WSCD1: variants seen among roughly 807,000 people sequenced by gnomAD.
WSCD1 encodes sialate:O-sulfotransferase 1.
Under a neutral mutation model 60.4 loss-of-function variants are expected in WSCD1, and 41 were observed. That is an observed-to-expected ratio of 0.68 (90% CI 0.53 to 0.88). WSCD1 has a LOEUF of 0.88. WSCD1 is among the 40% of genes least tolerant of loss of function. The probability of loss-of-function intolerance (pLI) is 0.00; values close to 1 mark genes in which losing one functional copy is unlikely to be tolerated. For synonymous variants in WSCD1, 361 were observed against 332.5 expected (o/e 1.09, Z -0.93); for missense variants, 784 against 796.2 (o/e 0.98, Z 0.18).
intron 2 of WSCD1, among the ~76,000 whole-genome samples, chr17:6,087,491 C>G (rs931405183): frequency 4.6e-5 from 7 of 152,256 alleles, no homozygotes; most frequent in Admixed American, 1.3e-4. Context: ...CTTGAAATAG[C>G]TTTCCCCGTT....
At position 6,120,540 on chromosome 17, in the gene WSCD1, A is replaced by G. The variant is rs1489600329; in HGVS notation, c.1607A>G (p.His536Arg). The G allele has an allele frequency of 9.3e-6, 15 of 1,613,686 alleles. No individual in the cohort carries two copies. The highest frequency in any genetic ancestry group is 1.2e-5 in the Non-Finnish European group (14 of 1,180,008). ...TTCCGGCGGCGCGGCCGGCGCTCCC[A>G]CGACCCTGAGCCCTTCACCCCGGAG... ...GSFRRRGRRS[H>R]DPEPFTPEMK... The change falls in exon 9 of 9, where the codon CAC becomes CGC. Residue 536 changes from histidine to arginine, a missense_variant. By Grantham distance (29) the His-to-Arg change is conservative. Coordinates refer to ENST00000317744, the MANE Select transcript of WSCD1 (RefSeq NM_015253.2).
intron 5 of WSCD1, among the ~76,000 whole-genome samples, chr17:6,095,839 G>C (rs933953822): frequency 6.6e-6 from 1 of 152,198 alleles, no homozygotes; most frequent in Non-Finnish European, 1.5e-5. Flanking sequence ...TGTGTCCAAA[G>C]AACATTGAGA....
chr17:6,069,931 G>A (rs990790335), upstream of WSCD1, among the ~76,000 whole-genome samples: 1 of 152,072 alleles, frequency 6.6e-6, no homozygotes, highest in Non-Finnish European at 1.5e-5. Flanking sequence ...GAGAGTGTGT[G>A]TGTGAGTGTG....
intron 5 of WSCD1, among the ~76,000 whole-genome samples, chr17:6,099,103 C>T (rs1910634389): frequency 6.6e-6 from 1 of 152,006 alleles, no homozygotes; most frequent in Non-Finnish European, 1.5e-5. Context: ...GTACAAATTG[C>T]AGAGGGCTTT....
intron 5 of WSCD1, among the ~76,000 whole-genome samples, chr17:6,103,344 T>G (rs1394139298): frequency 6.6e-6 from 1 of 152,228 alleles, no homozygotes; most frequent in Non-Finnish European, 1.5e-5. Flanking sequence ...TTTGAGAAAC[T>G]TCCTGGGATG....
chr17:6,094,589 G>GAGGAAGGA (rs930872643), intron 4 of WSCD1, among the ~76,000 whole-genome samples: 2 of 131,712 alleles, frequency 1.5e-5, no homozygotes, highest in African/African-American at 5.1e-5. Context: ...AGAAGGAAGG[G>GAGGAAGGA]AGGAAGGAAG....
chr17:6,113,505 G>A (rs1003419646), intron 7 of WSCD1, among the ~76,000 whole-genome samples: 3 of 152,150 alleles, frequency 2.0e-5, no homozygotes, highest in African/African-American at 4.8e-5. Flanking sequence ...GTGGTATTAT[G>A]TCAAAGTGAA....
At position 6,101,390 on chromosome 17, in the gene WSCD1, C is replaced by T. The variant is rs899328409; in HGVS notation, c.849+6167C>T. 2.6e-5 allele frequency among the ~76,000 whole-genome samples: 4 copies of T among 151,956 alleles called. No individual in the cohort carries two copies. On this transcript the variant is annotated intron_variant, in intron 5 of 8. Transcript: ENST00000317744. The surrounding 1 kb of genome is among the most constrained non-coding windows in gnomAD (Gnocchi z 4.1). Reference sequence around the variant, plus strand: ...AGCTAGGGGCTTAATTAGAGCTGGCCGGGCAGTGGGGCTGGGAGCAGCAGA... The same window carrying T: ...AGCTAGGGGCTTAATTAGAGCTGGCTGGGCAGTGGGGCTGGGAGCAGCAGA...
Position 6,121,964 on chromosome 17 carries a change from G to T in WSCD1, c.*1303G>T, listed in dbSNP as rs2150575614. On this transcript the variant is annotated 3_prime_UTR_variant, in exon 9 of 9. Transcript: ENST00000317744. ...CCGGTTGCACACTGGCCTCTGTGGA[G>T]GTCAGGGAGGTGGGAAGGTGGGTGG... is the stretch of plus-strand genomic sequence containing the variant. 6.6e-6 allele frequency: 1 copy of T among 152,486 alleles called. No homozygotes were observed. 9.4% of individuals were successfully genotyped at this position (152,486 alleles called of 1,614,324 possible).
At chr17:6,094,222 A>G (rs567522375) in intron 4 of WSCD1, among the ~76,000 whole-genome samples, 66 of 152,324 alleles carry the variant, frequency 4.3e-4, no homozygotes, top group African/African-American at 1.6e-3. Context: ...AGGGCACTGG[A>G]CTTTTCCACC....
At position 6,110,151 on chromosome 17, in the gene WSCD1, C is replaced by T. The variant is rs1868556494; in HGVS notation, c.1009+385C>T. Among the ~76,000 whole-genome samples, 1 of 152,038 alleles carries T rather than the reference C, an allele frequency of 6.6e-6. No individual in the cohort carries two copies. Among genetic ancestry groups the T allele is most frequent in the Non-Finnish European group, 1.5e-5 (1 of 68,000 alleles). On this transcript the variant is annotated intron_variant, in intron 6 of 8. Coordinates refer to ENST00000317744, the MANE Select transcript of WSCD1 (RefSeq NM_015253.2). The surrounding 1 kb of genome is among the most constrained non-coding windows in gnomAD (Gnocchi z 4.8). ...ACTGGTGCCTCCAGGACCTGGGAAC[C>T]CTCCTTGGTGTGAGCATCAGGTCTG... is the stretch of plus-strand genomic sequence containing the variant.
intron 7 of WSCD1, among the ~76,000 whole-genome samples, chr17:6,112,725 G>C (rs576862232): frequency 1.3e-5 from 2 of 152,022 alleles, no homozygotes; most frequent in East Asian, 3.9e-4. Context: ...AAATACCTAG[G>C]AATAAATTTA....
At chr17:6,094,784 AAGGAAGGG>A (rs1381750118) in intron 4 of WSCD1, among the ~76,000 whole-genome samples, 5 of 144,682 alleles carry the variant, frequency 3.5e-5, no homozygotes, top group African/African-American at 8.5e-5. Context: ...AGAAGGAAGG[AAGGAAGGG>A]AGGAAGGGAG....
At position 6,110,261 on chromosome 17, in the gene WSCD1, G is replaced by C. The variant is rs1178182301; in HGVS notation, c.1009+495G>C. Among the ~76,000 whole-genome samples, 2 of 152,184 alleles carry C rather than the reference G, an allele frequency of 1.3e-5. No individual in the cohort carries two copies. Among genetic ancestry groups the C allele is most frequent in the Non-Finnish European group, 2.9e-5 (2 of 68,024 alleles). On this transcript the variant is annotated intron_variant, in intron 6 of 8. Coordinates refer to ENST00000317744, the MANE Select transcript of WSCD1 (RefSeq NM_015253.2). The surrounding 1 kb of genome is among the most constrained non-coding windows in gnomAD (Gnocchi z 4.8). ...TTTATCAAGTGCCTACTGTGACCCA[G>C]CATGGCCCTGGATGTTTTGGGGCTT...
At position 6,110,839 on chromosome 17, in the gene WSCD1, C is replaced by G. The variant is rs1567560498; in HGVS notation, c.1078C>G (p.Pro360Ala). The change falls in exon 7 of 9, where the codon CCA becomes GCA. Residue 360 changes from proline (P) to alanine (A), a missense_variant. Physicochemically the swap from Pro to Ala is conservative, Grantham distance 27. Transcript: ENST00000317744. The surrounding 1 kb of genome is among the most constrained non-coding windows in gnomAD (Gnocchi z 4.8). Reference sequence around the variant, plus strand: ...AGTGTTTGTGGCTTTGTCAAGCTTCCCAGGAGCCGGGAACACATGGGCACG... The same window carrying G: ...AGTGTTTGTGGCTTTGTCAAGCTTCGCAGGAGCCGGGAACACATGGGCACG... ...SKVFVALSSFPGAGNTWARHL... is the reference protein window; with the variant it reads ...SKVFVALSSFAGAGNTWARHL... 1.2e-6 allele frequency: 2 copies of G among 1,613,970 alleles called. No homozygotes were observed. The highest frequency in any genetic ancestry group is 1.7e-6 in the Non-Finnish European group (2 of 1,179,916).
chr17:6,087,978 C>T lies in WSCD1; in HGVS notation c.428-12C>T. ...TGGGCCTCTGGTATTAGCCATGCTT[C>T]CCTTTCTGCAGGCACCTACATTGGA... is the stretch of plus-strand genomic sequence containing the variant. On this transcript the variant is annotated splice_polypyrimidine_tract_variant and intron_variant, in intron 2 of 8. Transcript: ENST00000317744. 3 of 1,603,100 alleles carry T rather than the reference C, an allele frequency of 1.9e-6. No homozygotes were observed. The highest frequency in any genetic ancestry group is 2.6e-6 in the Non-Finnish European group (3 of 1,170,188).
chr17:6,112,441 G>A (rs1259747719), intron 7 of WSCD1, among the ~76,000 whole-genome samples: 1 of 152,150 alleles, frequency 6.6e-6, no homozygotes, highest in Non-Finnish European at 1.5e-5. Context: ...GCCTAGTAAT[G>A]GAAGTCCTAT....
Position 6,081,039 on chromosome 17 carries a change from G to A in WSCD1, c.381G>A (p.Pro127=), listed in dbSNP as rs7222083. 1,466 of 1,541,828 alleles carry A rather than the reference G, an allele frequency of 9.5e-4. 12 individuals carry two copies. The African/African-American group carries it at 0.017, about 18-fold the overall frequency. The change falls in exon 2 of 9, where the codon CCG becomes CCA. Residue 127 remains proline, a synonymous_variant. Transcript: ENST00000317744. ...ACTTCATGAGTGACTCCCAGGGACCGCCCGCCCTGGGCCCCGAGGCTGCCA... is the reference window on the plus strand; with the variant it reads ...ACTTCATGAGTGACTCCCAGGGACCACCCGCCCTGGGCCCCGAGGCTGCCA... ...FHHFMSDSQG[P]PALGPEAARP...
intron 1 of WSCD1, among the ~76,000 whole-genome samples, chr17:6,078,582 G>A (rs891898610): frequency 1.1e-4 from 17 of 152,068 alleles, no homozygotes; most frequent in African/African-American, 2.4e-4. Context: ...GTGTGTGTGC[G>A]TGTGTGTGCG....
Sources: allele counts gnomAD v4.1 joint callset (sites outside exome capture counted in the v4.1 genomes callset), GRCh38; gene constraint gnomAD v4.1.1; non-coding constraint Gnocchi (gnomAD v3.1); transcripts MANE v1.5; gene names NCBI Gene and HGNC (gene_info 2026-07-23, HGNC 2026-07-21).